The following WDFY2 variants were observed in gnomAD, a reference collection of about 807,000 sequenced individuals.
WDFY2 encodes WD repeat and FYVE domain containing 2, also known as WD repeat and FYVE domain-containing protein 2.
In WDFY2, 36 loss-of-function variants were observed where a neutral mutation model predicts 56.4. That is an observed-to-expected ratio of 0.64 (90% CI 0.49 to 0.84). The LOEUF (loss-of-function observed/expected upper bound fraction) is 0.84, where lower values mean the gene tolerates loss of function less well. WDFY2 is among the 40% of genes least tolerant of loss of function. The pLI is 0.00. For missense variants in WDFY2, 444 were observed against 512.2 expected (o/e 0.87, Z 1.29); for synonymous variants, 176 against 183.7 (o/e 0.96, Z 0.34).
intron 5 of WDFY2, among the ~76,000 whole-genome samples, chr13:51,724,712 C>T (rs1275264117): frequency 6.6e-6 from 1 of 152,314 alleles, no homozygotes; most frequent in African/African-American, 2.4e-5. Flanking sequence ...CCTACATTGG[C>T]ACGTCACTAT....
intron 1 of WDFY2, among the ~76,000 whole-genome samples, chr13:51,611,669 C>T (rs1159111238): frequency 1.3e-5 from 2 of 152,172 alleles, no homozygotes; most frequent in East Asian, 3.8e-4. Flanking sequence ...CGACTCAGGA[C>T]TGAATCCTGA....
chr13:51,723,227 C>T (rs964227201), intron 5 of WDFY2, among the ~76,000 whole-genome samples: 1 of 152,180 alleles, frequency 6.6e-6, no homozygotes, highest in Non-Finnish European at 1.5e-5. Flanking sequence ...TCCTTATATA[C>T]TTCATTGAAA....
chr13:51,600,744 A>G (rs1292046049), intron 1 of WDFY2, among the ~76,000 whole-genome samples: 3 of 152,158 alleles, frequency 2.0e-5, no homozygotes, highest in African/African-American at 7.2e-5. Context: ...CAGAAAGAGA[A>G]GAAAGATAAG....
chr13:51,633,710 A>G (rs546902064), intron 1 of WDFY2, among the ~76,000 whole-genome samples: 16 of 152,342 alleles, frequency 1.1e-4, no homozygotes, highest in African/African-American at 3.6e-4. Context: ...AGGGAGTCAC[A>G]TGCATCATCT....
At chr13:51,758,151 C>T in intron 10 of WDFY2, 41 bp from the exon 11 acceptor site, 1 of 1,485,256 alleles carries the variant, frequency 6.7e-7, no homozygotes, top group Non-Finnish European at 9.2e-7. Flanking sequence ...ATTCATATGT[C>T]ACCACCTTTT....
At chr13:51,610,251 TTTTG>T (rs1446061183) in intron 1 of WDFY2, among the ~76,000 whole-genome samples, 2 of 151,836 alleles carry the variant, frequency 1.3e-5, no homozygotes, top group Admixed American at 1.3e-4. Flanking sequence ...TTTTTTTTTT[TTTTG>T]GGGGGCTAAA....
chr13:51,584,895 G>A, intron 1 of WDFY2, 71 bp downstream of exon 1: 1 of 1,585,528 alleles, frequency 6.3e-7, no homozygotes, highest in East Asian at 2.3e-5. Flanking sequence ...CGCGTCAGGG[G>A]CTGTGCCTTC....
chr13:51,616,135 A>G (rs1356362310), intron 1 of WDFY2, among the ~76,000 whole-genome samples: 1 of 152,106 alleles, frequency 6.6e-6, no homozygotes, highest in African/African-American at 2.4e-5. Context: ...TACTGGGCGG[A>G]CTGAGGTGGG....
At chr13:51,589,152 G>C (rs1389592137) in intron 1 of WDFY2, 1 of 152,180 alleles carries the variant, frequency 6.6e-6, no homozygotes, top group African/African-American at 2.4e-5. Context: ...TGCATTATAT[G>C]TTCCTTGAAT....
At chr13:51,612,083 A>G (rs1593876558) in intron 1 of WDFY2, among the ~76,000 whole-genome samples, 1 of 152,252 alleles carries the variant, frequency 6.6e-6, no homozygotes, top group African/African-American at 2.4e-5. Flanking sequence ...AGAGCATCCT[A>G]ATTCATATTG....
At chr13:51,705,845 A>G (rs557943624) in intron 4 of WDFY2, among the ~76,000 whole-genome samples, 166 of 152,220 alleles carry the variant, frequency 1.1e-3, no homozygotes, top group Admixed American at 1.6e-3. Flanking sequence ...TAAATGCTGG[A>G]CTTTACATCC....
rs890972422 is a variant in WDFY2, at chr13:51,766,563, A to G, written c.*6794A>G. Reference sequence around the variant, plus strand: ...TGCCACACTCCCTGCCAGTCCTGACATTGACTTCCTGAATGTGATTAGGTG... The same window carrying G: ...TGCCACACTCCCTGCCAGTCCTGACGTTGACTTCCTGAATGTGATTAGGTG... On this transcript the variant is annotated 3_prime_UTR_variant, in exon 12 of 12. Transcript: ENST00000298125. The G allele has an allele frequency of 6.6e-6, 1 of 152,242 alleles. No homozygotes were observed. Among genetic ancestry groups the G allele is most frequent in the Non-Finnish European group, 1.5e-5 (1 of 68,064 alleles). 9.4% of individuals were successfully genotyped at this position (152,242 alleles called of 1,614,324 possible).
intron 3 of WDFY2, among the ~76,000 whole-genome samples, chr13:51,701,467 G>A (rs1951982252): frequency 7.0e-6 from 1 of 142,318 alleles, no homozygotes; most frequent in African/African-American, 2.6e-5. Flanking sequence ...GTTGCAGTGA[G>A]CCAAGATCAC....
intron 1 of WDFY2, among the ~76,000 whole-genome samples, chr13:51,618,140 CT>C (rs1365763844): frequency 1.3e-5 from 2 of 152,230 alleles, no homozygotes; most frequent in African/African-American, 4.8e-5. Flanking sequence ...TTCAGGCCCC[CT>C]GTTGTTAGCA....
intron 1 of WDFY2, among the ~76,000 whole-genome samples, chr13:51,634,805 A>G (rs925083313): frequency 1.3e-5 from 2 of 152,252 alleles, no homozygotes; most frequent in African/African-American, 2.4e-5. Flanking sequence ...TTGTTTATTG[A>G]TCAAAACAAT....
intron 5 of WDFY2, among the ~76,000 whole-genome samples, chr13:51,721,379 G>GA (rs1027471046): frequency 9.2e-5 from 14 of 151,558 alleles, no homozygotes; most frequent in Non-Finnish European, 1.8e-4. Flanking sequence ...AAGGAGTATG[G>GA]AAAAAAAATA....
chr13:51,697,114 A>T (rs1593425172), intron 3 of WDFY2, among the ~76,000 whole-genome samples: 1 of 152,336 alleles, frequency 6.6e-6, no homozygotes, highest in Admixed American at 6.5e-5. Context: ...CTTATCAGCT[A>T]GAATTAAATA....
chr13:51,697,886 T>C (rs1376035656), intron 3 of WDFY2, among the ~76,000 whole-genome samples: 2 of 152,236 alleles, frequency 1.3e-5, no homozygotes, highest in Admixed American at 6.5e-5. Flanking sequence ...TTCTAATTCT[T>C]CAATTATAAT....
chr13:51,759,245 G>A (rs1953501375), intron 11 of WDFY2, among the ~76,000 whole-genome samples: 1 of 152,134 alleles, frequency 6.6e-6, no homozygotes, highest in African/African-American at 2.4e-5. Context: ...TTTTGAAAAC[G>A]AGGTATCTTG....
Sources: allele counts gnomAD v4.1 joint callset (sites outside exome capture counted in the v4.1 genomes callset), GRCh38; gene constraint gnomAD v4.1.1; transcripts MANE v1.5; gene names NCBI Gene and HGNC (gene_info 2026-07-23, HGNC 2026-07-21).